Variants in SLC36A1 observed in about 807,000 individuals in gnomAD.
SLC36A1 encodes the protein proton-coupled amino acid transporter 1.
In SLC36A1, 30 loss-of-function variants were observed where a neutral mutation model predicts 47.5. The observed-to-expected ratio is 0.63, with a 90% CI of 0.47 to 0.86. The LOEUF is 0.86. Ranked by LOEUF, SLC36A1 falls within the 40% of genes least tolerant of loss-of-function variation. The probability of loss-of-function intolerance (pLI) is 0.00; values close to 1 mark genes in which losing one functional copy is unlikely to be tolerated. For missense variants in SLC36A1, 517 were observed against 606.0 expected (o/e 0.85, Z 1.54); for synonymous variants, 255 against 249.7 (o/e 1.02, Z -0.20).
At chr5:151,418,580 CA>C in the SLC36A1 span, among the ~76,000 whole-genome samples, 1 of 152,156 alleles carries the variant, frequency 6.6e-6, no homozygotes, top group Admixed American at 6.5e-5. Context: ...TTTGTTTGGC[CA>C]ATTTCTCCCA....
intron 7 of SLC36A1, among the ~76,000 whole-genome samples, chr5:151,468,262 AAAAAATATATAT>A (rs1462626599): frequency 1.2e-5 from 1 of 81,144 alleles, no homozygotes; most frequent in African/African-American, 7.9e-5. Context: ...AAAAAAAAAA[AAAAAATATATAT>A]ATATATATAT....
chr5:151,412,943 A>G, the SLC36A1 span, among the ~76,000 whole-genome samples: 1 of 143,924 alleles, frequency 6.9e-6, no homozygotes, highest in African/African-American at 2.5e-5. Flanking sequence ...TGTTCCCTCC[A>G]AACTCCATCA....
intron 1 of SLC36A1, among the ~76,000 whole-genome samples, chr5:151,441,423 A>G (rs1022339209): frequency 6.6e-6 from 1 of 152,380 alleles, no homozygotes; most frequent in Middle Eastern, 3.4e-3. Context: ...AGACCTATGA[A>G]AAAACAGTTC....
chr5:151,533,757 G>GAT, the SLC36A1 span, among the ~76,000 whole-genome samples: 42 of 150,776 alleles, frequency 2.8e-4, no homozygotes, highest in Non-Finnish European at 5.2e-4. Flanking sequence ...ATATATATGT[G>GAT]ATATATATAT....
At chr5:151,399,829 A>G in the SLC36A1 span, among the ~76,000 whole-genome samples, 1 of 152,222 alleles carries the variant, frequency 6.6e-6, no homozygotes, top group African/African-American at 2.4e-5. Flanking sequence ...TTCTGCATAC[A>G]CATAGTAAGG....
chr5:151,553,281 T>C, the SLC36A1 span: 4 of 1,614,252 alleles, frequency 2.5e-6, no homozygotes, highest in East Asian at 6.7e-5. Context: ...GTAGTAGGTC[T>C]CATCAAAGGC....
At chr5:151,538,168 G>A in the SLC36A1 span, among the ~76,000 whole-genome samples, 1 of 152,142 alleles carries the variant, frequency 6.6e-6, no homozygotes, top group Non-Finnish European at 1.5e-5. Context: ...AACATGCAAG[G>A]AAAACTGAGG....
At chr5:151,438,377 C>T (rs1024102473) in intron 1 of SLC36A1, among the ~76,000 whole-genome samples, 2 of 150,510 alleles carry the variant, frequency 1.3e-5, no homozygotes, top group Admixed American at 6.6e-5. Context: ...GATCAAAGAA[C>T]AGGCTGTTCT....
the SLC36A1 span, among the ~76,000 whole-genome samples, chr5:151,535,523 G>A: frequency 1.7e-4 from 25 of 148,452 alleles, no homozygotes; most frequent in Non-Finnish European, 1.5e-5. Flanking sequence ...GGGAGGACAT[G>A]GGAGCCCCTT....
intron 1 of SLC36A1, among the ~76,000 whole-genome samples, chr5:151,458,229 CA>C (rs113795702): frequency 0.21 from 31,572 of 149,836 alleles, 3,490 homozygotes; most frequent in East Asian, 0.39. Context: ...CCCAGATTTC[CA>C]TCCCCCCAAG....
At chr5:151,349,988 C>T in the SLC36A1 span, among the ~76,000 whole-genome samples, 4 of 152,080 alleles carry the variant, frequency 2.6e-5, no homozygotes, top group African/African-American at 9.7e-5. Flanking sequence ...AGGCAGAGAG[C>T]TGGGAAATAT....
At chr5:151,534,005 G>A in the SLC36A1 span, among the ~76,000 whole-genome samples, 8 of 152,050 alleles carry the variant, frequency 5.3e-5, no homozygotes, top group African/African-American at 1.4e-4. Flanking sequence ...AATTGATCAA[G>A]GAATTTAATG....
At chr5:151,510,009 T>A in the SLC36A1 span, 1 of 1,612,956 alleles carries the variant, frequency 6.2e-7, no homozygotes, top group Non-Finnish European at 8.5e-7. Flanking sequence ...AGGTGGCCTC[T>A]CCTGGGATTA....
the SLC36A1 span, chr5:151,507,154 C>G: frequency 6.4e-7 from 1 of 1,574,764 alleles, no homozygotes. Flanking sequence ...CTATACTGAC[C>G]CATCTCCTCG....
the SLC36A1 span, chr5:151,381,160 GA>G: frequency 4.3e-6 from 2 of 462,040 alleles, no homozygotes; most frequent in South Asian, 1.8e-5. Context: ...TGGCTGTGTG[GA>G]AGGAGCTGAT....
intron 1 of SLC36A1, among the ~76,000 whole-genome samples, chr5:151,453,301 G>A (rs899227133): frequency 2.7e-4 from 41 of 151,674 alleles, no homozygotes; most frequent in Admixed American, 8.5e-4. Context: ...TTTCCTTGAC[G>A]TATGTTTCAT....
In SLC36A1 at chr5:151,490,246, C is replaced by G. The variant is rs1261795657; in HGVS notation, c.*1992C>G. Reference sequence around the variant, plus strand: ...AATCTAGCCGGGAGTAGCAGAGGCCCTGTCTTCTGAAGTCTCAGGCTTAGA... The same window carrying G: ...AATCTAGCCGGGAGTAGCAGAGGCCGTGTCTTCTGAAGTCTCAGGCTTAGA... On this transcript the variant is annotated 3_prime_UTR_variant, in exon 11 of 11. Coordinates refer to ENST00000243389, the MANE Select transcript of SLC36A1 (RefSeq NM_078483.4). 1 of 152,248 alleles carries G rather than the reference C, an allele frequency of 6.6e-6. No individual in the cohort carries two copies. The highest frequency in any genetic ancestry group is 1.5e-5 in the Non-Finnish European group (1 of 68,054). The allele number at this position is 152,248 out of a possible 1,614,324, so 9.4% of individuals were successfully genotyped here.
the SLC36A1 span, chr5:151,381,072 G>T: frequency 2.2e-6 from 1 of 454,954 alleles, no homozygotes; most frequent in Non-Finnish European, 4.2e-6. Context: ...CTAGCCTTGA[G>T]GCACCAGCCA....
chr5:151,546,071 T>C, the SLC36A1 span: 1 of 1,614,146 alleles, frequency 6.2e-7, no homozygotes, highest in Non-Finnish European at 8.5e-7. Flanking sequence ...TCAGAGGGGC[T>C]CATAGCAGAG....
Sources: allele counts gnomAD v4.1 joint callset (sites outside exome capture counted in the v4.1 genomes callset), GRCh38; gene constraint gnomAD v4.1.1; transcripts MANE v1.5; gene names NCBI Gene and HGNC (gene_info 2026-07-23, HGNC 2026-07-21).